Variants in FAM72D observed in about 807,000 individuals in gnomAD.
FAM72D encodes the protein RUMY family member 4.
For synonymous variants in FAM72D, 4 were observed against 35.1 expected (o/e 0.11, Z 3.13); for missense variants, 9 against 104.7 (o/e 0.09, Z 3.99).
chr1:145,100,514 C>T (rs1251791162), intron 2 of FAM72D, among the ~76,000 whole-genome samples: 47 of 134,460 alleles, frequency 3.5e-4, no homozygotes, highest in Admixed American at 4.6e-4. Context: ...TTTTTTAAGA[C>T]GGAGTTTTGC....
intron 2 of FAM72D, among the ~76,000 whole-genome samples, chr1:145,101,205 G>A (rs1226391007): frequency 7.2e-6 from 1 of 139,846 alleles, no homozygotes; most frequent in African/African-American, 2.8e-5. Flanking sequence ...GCCTCCCAAA[G>A]TGCTGGGATT....
intron 3 of FAM72D, among the ~76,000 whole-genome samples, chr1:145,107,075 A>C (rs1553638498): frequency 9.9e-6 from 1 of 100,934 alleles, no homozygotes; most frequent in Non-Finnish European, 1.9e-5. Context: ...TGGAGGTTGC[A>C]GTAAGCCGAG....
intron 3 of FAM72D, among the ~76,000 whole-genome samples, chr1:145,107,184 C>CT (rs1389115900): frequency 6.9e-6 from 1 of 144,508 alleles, no homozygotes; most frequent in Non-Finnish European, 1.5e-5. Context: ...ACTACCAATT[C>CT]TTTTAAAAAA....
intron 3 of FAM72D, among the ~76,000 whole-genome samples, chr1:145,105,874 C>A (rs1205210699): frequency 6.9e-6 from 1 of 144,068 alleles, no homozygotes; most frequent in Non-Finnish European, 1.5e-5. Context: ...ATGGCTTGAA[C>A]CCGGGAGGCG....
intron 3 of FAM72D, among the ~76,000 whole-genome samples, chr1:145,108,052 A>G (rs1187141458): frequency 7.3e-6 from 1 of 136,640 alleles, no homozygotes; most frequent in African/African-American, 2.7e-5. Context: ...TAGTGGCACA[A>G]TCTTGGCTCA....
At chr1:145,101,617 C>T (rs587701337) in intron 2 of FAM72D, among the ~76,000 whole-genome samples, 14 of 143,350 alleles carry the variant, frequency 9.8e-5, no homozygotes, top group African/African-American at 1.8e-4. Context: ...TCCGTGACAA[C>T]AAGGGCTTTG....
At chr1:145,101,133 G>T (rs1360843437) in intron 2 of FAM72D, among the ~76,000 whole-genome samples, 3 of 146,122 alleles carry the variant, frequency 2.1e-5, no homozygotes, top group Non-Finnish European at 4.5e-5. Flanking sequence ...GTAGAGGTGG[G>T]GTTTCGCCAT....
chr1:145,100,678 G>T (rs1654662684), intron 2 of FAM72D, among the ~76,000 whole-genome samples: 2 of 145,926 alleles, frequency 1.4e-5, no homozygotes. Flanking sequence ...TTTTAGTAGA[G>T]ACAGGGTTTC....
In FAM72D at chr1:145,105,651, GAA is replaced by G. The variant is rs200256929; in HGVS notation, c.355+2529_355+2530del. On this transcript the variant is annotated intron_variant, in intron 3 of 3. Transcript: ENST00000400889. ...TTGCACCAAGAGTGGAACTCCATCTGAAAAAAAAAAGGAATAAGAGGCCGGGC... is the reference window on the plus strand; with the variant it reads ...TTGCACCAAGAGTGGAACTCCATCTGAAAAAAAAGGAATAAGAGGCCGGGC... 1.1e-4 allele frequency among the ~76,000 whole-genome samples: 16 copies of G among 147,150 alleles called. 1 individual carries two copies. The highest frequency in any genetic ancestry group is 3.4e-4 in the Admixed American group (5 of 14,770).
chr1:145,107,643 C>T (rs1356078863), intron 3 of FAM72D, among the ~76,000 whole-genome samples: 3 of 76,448 alleles, frequency 3.9e-5, no homozygotes, highest in African/African-American at 1.5e-4. Flanking sequence ...CCGCAACCTC[C>T]ACCTCCCGGG....
At chr1:145,107,411 G>A (rs1654974460) in intron 3 of FAM72D, among the ~76,000 whole-genome samples, 1 of 125,630 alleles carries the variant, frequency 8.0e-6, no homozygotes, top group Admixed American at 8.0e-5. Context: ...TAATTTTTTT[G>A]TATTTTTAGT....
intron 2 of FAM72D, among the ~76,000 whole-genome samples, chr1:145,099,318 A>AG (rs1479862346): frequency 7.5e-6 from 1 of 133,770 alleles, no homozygotes; most frequent in Non-Finnish European, 1.5e-5. Context: ...AATGTAGGTT[A>AG]GGGGGGAGAA....
At chr1:145,107,420 G>A (rs1438278301) in intron 3 of FAM72D, among the ~76,000 whole-genome samples, 7 of 126,990 alleles carry the variant, frequency 5.5e-5, no homozygotes, top group African/African-American at 2.1e-4. Context: ...TGTATTTTTA[G>A]TAGAGACAGG....
intron 2 of FAM72D, among the ~76,000 whole-genome samples, chr1:145,100,662 T>C (rs1414538324): frequency 7.0e-6 from 1 of 142,868 alleles, no homozygotes; most frequent in Non-Finnish European, 1.5e-5. Flanking sequence ...CAGCTAATTT[T>C]TCATATTTTA....
At chr1:145,104,240 TCTTGC>T (rs1225729267) in intron 3 of FAM72D, among the ~76,000 whole-genome samples, 1 of 143,236 alleles carries the variant, frequency 7.0e-6, no homozygotes, top group African/African-American at 2.7e-5. Flanking sequence ...TGGTGGAGGG[TCTTGC>T]CTTGATGTTG....
intron 3 of FAM72D, among the ~76,000 whole-genome samples, chr1:145,103,464 A>ATGTGTG: frequency 8.7e-5 from 1 of 11,474 alleles, no homozygotes; most frequent in African/African-American, 3.9e-4. Flanking sequence ...AGTCTAATGC[A>ATGTGTG]TGTGTGTGTC....
In FAM72D at chr1:145,101,066, C is replaced by T. The variant is rs868982431; in HGVS notation, c.231-1941C>T. Among the ~76,000 whole-genome samples, 150 of 150,138 alleles carry T rather than the reference C, an allele frequency of 1.0e-3. 3 individuals are homozygous for T. Among genetic ancestry groups the T allele is most frequent in the African/African-American group, 3.4e-3 (135 of 40,066 alleles). On this transcript the variant is annotated intron_variant, in intron 2 of 3. Transcript: ENST00000400889. The stretch of plus-strand genomic sequence containing the variant: ...AAGTGATTCTCTCACCTCTGCCTCC[C>T]GAGTAGCTGGGACTACAGGCACATG...
intron 3 of FAM72D, among the ~76,000 whole-genome samples, chr1:145,107,356 G>T (rs1322501978): frequency 5.5e-5 from 6 of 109,642 alleles, no homozygotes; most frequent in Admixed American, 3.8e-4. Context: ...AGCGATTCTC[G>T]TGCCTCAGCC....
At chr1:145,100,639 G>A (rs1312828270) in intron 2 of FAM72D, among the ~76,000 whole-genome samples, 2 of 138,884 alleles carry the variant, frequency 1.4e-5, no homozygotes, top group Non-Finnish European at 3.1e-5. Flanking sequence ...CTACAGGCAC[G>A]CACCACCATG....
Sources: allele counts gnomAD v4.1 joint callset (sites outside exome capture counted in the v4.1 genomes callset), GRCh38; gene constraint gnomAD v4.1.1; transcripts MANE v1.5; gene names NCBI Gene and HGNC (gene_info 2026-07-23, HGNC 2026-07-21).